The following TRIP10 variants were observed in gnomAD, a reference collection of about 807,000 sequenced individuals.
TRIP10 encodes cdc42-interacting protein 4.
Under a neutral mutation model 80.9 loss-of-function variants are expected in TRIP10, and 54 were observed. That is an observed-to-expected ratio of 0.67 (90% CI 0.54 to 0.84). The LOEUF is 0.84. TRIP10 is among the 40% of genes least tolerant of loss of function. The pLI, the probability that TRIP10 is intolerant of heterozygous loss-of-function variation, is 0.00. For missense variants in TRIP10, 773 were observed against 815.3 expected (o/e 0.95, Z 0.63); for synonymous variants, 321 against 307.2 (o/e 1.04, Z -0.47).
Position 6,751,347 on chromosome 19 carries a change from C to T in TRIP10, c.*136C>T. On this transcript the variant is annotated 3_prime_UTR_variant, in exon 15 of 15. Transcript: ENST00000313244. The stretch of plus-strand genomic sequence containing the variant: ...TGTAACCTGCTGCCCCCTCCACCCC[C>T]AACCCAGTCCTACCTGTCACACCGG... The T allele has an allele frequency of 6.7e-7, 1 of 1,488,348 alleles. No homozygotes were observed. The highest frequency in any genetic ancestry group is 9.0e-7 in the Non-Finnish European group (1 of 1,112,444). The allele number at this position is 1,488,348 out of a possible 1,614,324, so 92.2% of individuals were successfully genotyped here. A position where few individuals can be genotyped will look rare whatever the true frequency, so the allele number is the denominator to read the frequency against.
At position 6,746,110 on chromosome 19, in the gene TRIP10, C is replaced by T. The variant is rs182585515; in HGVS notation, c.1066C>T (p.Arg356Cys). The change falls in exon 10 of 15, where the codon CGT (arginine) becomes TGT (cysteine). Residue 356 changes from arginine to cysteine, a missense_variant. Transcript: ENST00000313244. This position sits in a 1 kb window ranked among gnomAD's most constrained non-coding sequence, Gnocchi z 6.2. The stretch of plus-strand genomic sequence containing the variant: ...CGGACCCCCGTCCCCCCGCTCCGGC[C>T]GTGACCCCTTGGCCATACTGAGCGA... ...PNGPPSPRSGRDPLAILSEIS... is the reference protein window; with the variant it reads ...PNGPPSPRSGCDPLAILSEIS... 18 of 1,546,430 alleles carry T rather than the reference C, an allele frequency of 1.2e-5. No homozygotes were observed. Among genetic ancestry groups the T allele is most frequent in the African/African-American group, 2.7e-5 (2 of 72,746 alleles).
chr19:6,746,072 C>A lies in TRIP10; in HGVS notation c.1028C>A (p.Ser343Ter). The change falls in exon 10 of 15, where the codon TCG becomes TAG. Residue 343 changes from serine (S) to a stop codon, truncating the protein, a stop_gained. Transcript: ENST00000313244. LOFTEE classifies it high-confidence loss of function. The surrounding 1 kb of genome is among the most constrained non-coding windows in gnomAD (Gnocchi z 6.2). Reference protein sequence around the residue: ...PLSPLGGPVPSALPNGPPSPR... With the variant: ...PLSPLGGPVP ...TCCCCCCTGGGGGGCCCCGTACCCTCGGCATTGCCTAACGGACCCCCGTCC... is the reference window on the plus strand; with the variant it reads ...TCCCCCCTGGGGGGCCCCGTACCCTAGGCATTGCCTAACGGACCCCCGTCC... The A allele has an allele frequency of 6.6e-7, 1 of 1,518,840 alleles. No homozygotes were observed. The highest frequency in any genetic ancestry group is 8.8e-7 in the Non-Finnish European group (1 of 1,131,862). 94.1% of individuals were successfully genotyped at this position (1,518,840 alleles called of 1,614,324 possible).
At chr19:6,743,283 G>A (rs1371431983) in intron 5 of TRIP10, 27 bp downstream of exon 5, 1 of 1,611,890 alleles carries the variant, frequency 6.2e-7, no homozygotes, top group Non-Finnish European at 8.5e-7. Flanking sequence ...AGCAGTGACT[G>A]TGGCCCGGAG....
chr19:6,749,087 C>G (rs1345959866), intron 11 of TRIP10, among the ~76,000 whole-genome samples: 1 of 152,000 alleles, frequency 6.6e-6, no homozygotes, highest in Non-Finnish European at 1.5e-5. Context: ...GCCCCCCCTT[C>G]TTTTTTTATT....
rs529912590 is a variant in TRIP10, at chr19:6,746,169, C to T, written c.1125C>T (p.Ser375=). Residue 375 remains serine (S), a synonymous_variant, in exon 10 of 15, where the codon TCC becomes TCT. Coordinates refer to ENST00000313244, the MANE Select transcript of TRIP10 (RefSeq NM_001288962.2). The surrounding 1 kb of genome is among the most constrained non-coding windows in gnomAD (Gnocchi z 6.2). ...ISKSVKPRLA[S]FRSLRGSRGT... Reference sequence around the variant, plus strand: ...AGTCGGTCAAACCGAGGCTAGCATCCTTCCGCAGCCTTCGAGGCAGCCGTG... The same window carrying T: ...AGTCGGTCAAACCGAGGCTAGCATCTTTCCGCAGCCTTCGAGGCAGCCGTG... The T allele has an allele frequency of 3.7e-4, 578 of 1,542,930 alleles. 8 individuals carry two copies. The South Asian group carries it at 5.2e-3, about 14-fold the overall frequency.
Position 6,745,908 on chromosome 19 carries a change from T to C in TRIP10, c.985-121T>C. The C allele has an allele frequency of 7.9e-7, 1 of 1,264,696 alleles. No homozygotes were observed. Among genetic ancestry groups the C allele is most frequent in the Non-Finnish European group, 1.0e-6 (1 of 1,002,784 alleles). 78.3% of individuals were successfully genotyped at this position (1,264,696 alleles called of 1,614,324 possible). On this transcript the variant is annotated intron_variant, in intron 9 of 14. Transcript: ENST00000313244. This position sits in a 1 kb window ranked among gnomAD's most constrained non-coding sequence, Gnocchi z 7.2. ...CTCCATTTTGTTTTTCCTTTTTCCT[T>C]TTTTTGCGTCCATCCGTCCATCCGT...
In TRIP10 at chr19:6,745,671, T is replaced by C. The variant is rs1159498327; in HGVS notation, c.985-358T>C. On this transcript the variant is annotated intron_variant, in intron 9 of 14. Transcript: ENST00000313244. This position sits in a 1 kb window ranked among gnomAD's most constrained non-coding sequence, Gnocchi z 7.2. ...AGAAAGCTAAGTGGACAGAGAGACATGGGCCTCCCTGCCTCCTGGACCCAT... is the reference window on the plus strand; with the variant it reads ...AGAAAGCTAAGTGGACAGAGAGACACGGGCCTCCCTGCCTCCTGGACCCAT... The C allele has an allele frequency of 4.1e-6, 4 of 985,248 alleles. No homozygotes were observed. The highest frequency in any genetic ancestry group is 4.8e-6 in the Non-Finnish European group (4 of 829,882). The allele number at this position is 985,248 out of a possible 1,614,324, so 61.0% of individuals were successfully genotyped here.
Position 6,746,082 on chromosome 19 carries a change from T to C in TRIP10, c.1038T>C (p.Pro346=). ...GGGGCCCCGTACCCTCGGCATTGCC[T>C]AACGGACCCCCGTCCCCCCGCTCCG... The part of the protein sequence containing the change: ...PLGGPVPSAL[P]NGPPSPRSGR... The change falls in exon 10 of 15, where the codon CCT becomes CCC. Residue 346 remains proline (P), a synonymous_variant. Coordinates refer to ENST00000313244, the MANE Select transcript of TRIP10 (RefSeq NM_001288962.2). The surrounding 1 kb of genome is among the most constrained non-coding windows in gnomAD (Gnocchi z 6.2). The C allele has an allele frequency of 2.3e-6, 3 of 1,286,294 alleles. No homozygotes were observed. The highest frequency in any genetic ancestry group is 3.0e-6 in the Non-Finnish European group (3 of 992,078). 79.7% of individuals were successfully genotyped at this position (1,286,294 alleles called of 1,614,324 possible). A position where few individuals can be genotyped will look rare whatever the true frequency, so the allele number is the denominator to read the frequency against.
chr19:6,743,247 G>C lies in TRIP10; in HGVS notation c.399G>C (p.Gln133His). The change falls in exon 5 of 15, where the codon CAG becomes CAC. Residue 133 changes from glutamine (Q) to histidine (H), a missense_variant. Gln to His is a conservative substitution (Grantham distance 24). Coordinates refer to ENST00000313244, the MANE Select transcript of TRIP10 (RefSeq NM_001288962.2). ...AGCAGCTGGAAAATGGCTTTAAACA[G>C]CTGGAGAATGTGAGTTTGCAGAGGT... ...AQQQLENGFK[Q>H]LENSKRKFER... 6.2e-6 allele frequency: 10 copies of C among 1,613,726 alleles called. No homozygotes were observed. Among genetic ancestry groups the C allele is most frequent in the African/African-American group, 1.3e-5 (1 of 75,036 alleles).
At chr19:6,750,139 C>CAGGGGGGGGGGGGGGGGGGGGGGG in intron 12 of TRIP10, 73 bp downstream of exon 12, 1 of 376,654 alleles carries the variant, frequency 2.7e-6, no homozygotes, top group East Asian at 6.8e-5. Flanking sequence ...GGTGGGGGGT[C>CAGGGGGGGGGGGGGGGGGGGGGGG]GGGGACAGGG....
Position 6,746,683 on chromosome 19 carries a change from T to C in TRIP10, c.1262+122T>C. 5 of 602,530 alleles carry C rather than the reference T, an allele frequency of 8.3e-6. No homozygotes were observed. The highest frequency in any genetic ancestry group is 1.2e-5 in the Non-Finnish European group (5 of 429,126). The allele number at this position is 602,530 out of a possible 1,614,324, so 37.3% of individuals were successfully genotyped here. A position where few individuals can be genotyped will look rare whatever the true frequency, so the allele number is the denominator to read the frequency against. On this transcript the variant is annotated intron_variant, in intron 11 of 14. Transcript: ENST00000313244. The surrounding 1 kb of genome is among the most constrained non-coding windows in gnomAD (Gnocchi z 6.2). ...TATATTTTATTTTGTGACAGGGTCT[T>C]AGTCTGTCGTCCAGGCTGGAGTGCA...
rs893609218 is a variant in TRIP10 at position 6,746,107 on chromosome 19, G to T, written c.1063G>T (p.Gly355Cys). ...LPNGPPSPRS[G>C]RDPLAILSEI... ...TAACGGACCCCCGTCCCCCCGCTCC[G>T]GCCGTGACCCCTTGGCCATACTGAG... is the stretch of plus-strand genomic sequence containing the variant. The change falls in exon 10 of 15, where the codon GGC becomes TGC. Residue 355 changes from glycine (G) to cysteine (C), a missense_variant. Gly to Cys is a radical substitution (Grantham distance 159, BLOSUM62 -3). Transcript: ENST00000313244. This position sits in a 1 kb window ranked among gnomAD's most constrained non-coding sequence, Gnocchi z 6.2. The T allele has an allele frequency of 1.4e-6, 2 of 1,420,620 alleles. No homozygotes were observed. Among genetic ancestry groups the T allele is most frequent in the Non-Finnish European group, 1.9e-6 (2 of 1,071,010 alleles). 88.0% of individuals were successfully genotyped at this position (1,420,620 alleles called of 1,614,324 possible).
In TRIP10 at chr19:6,743,000, C is replaced by T; in HGVS notation, c.231C>T (p.Leu77=). 1 of 1,614,128 alleles carries T rather than the reference C, an allele frequency of 6.2e-7. No homozygotes were observed. The highest frequency in any genetic ancestry group is 1.1e-5 in the South Asian group (1 of 91,074). ...AGCAACAGTCCTTCGTACAGATTCT[C>T]CAGGAGGTGAATGACTTTGCAGGCC... ...FSQQQSFVQI[L]QEVNDFAGQR... The change falls in exon 4 of 15, where the codon CTC becomes CTT. Residue 77 remains leucine (L), a synonymous_variant. Coordinates refer to ENST00000313244, the MANE Select transcript of TRIP10 (RefSeq NM_001288962.2).
In TRIP10 at chr19:6,745,832, C is replaced by T; in HGVS notation, c.985-197C>T. The T allele has an allele frequency of 1.0e-6, 1 of 985,376 alleles. No homozygotes were observed. Among genetic ancestry groups the T allele is most frequent in the Non-Finnish European group, 1.2e-6 (1 of 829,928 alleles). The allele number at this position is 985,376 out of a possible 1,614,324, so 61.0% of individuals were successfully genotyped here. Reference sequence around the variant, plus strand: ...TGTGTCGCTCCTGCATGCGTTTTCTCTGTGTGGTTGTGCATCTTGAGTTGT... The same window carrying T: ...TGTGTCGCTCCTGCATGCGTTTTCTTTGTGTGGTTGTGCATCTTGAGTTGT... On this transcript the variant is annotated intron_variant, in intron 9 of 14. Transcript: ENST00000313244. This position sits in a 1 kb window ranked among gnomAD's most constrained non-coding sequence, Gnocchi z 7.2.
In TRIP10 at chr19:6,743,615, C is replaced by CGG. The variant is rs145584075; in HGVS notation, c.513+26_513+27dup. On this transcript the variant is annotated intron_variant, in intron 6 of 14. Transcript: ENST00000313244. ...GTGGAGAAGGTGTGTGTGGCGGGGG[C>CGG]GGGGGGGGGGTGCGGGGTCTGGGAC... The CGG allele has an allele frequency of 6.0e-5, 46 of 771,366 alleles. No individual in the cohort carries two copies. Among genetic ancestry groups the CGG allele is most frequent in the East Asian group, 5.0e-4 (10 of 20,126 alleles). 47.8% of individuals were successfully genotyped at this position (771,366 alleles called of 1,614,324 possible).
At chr19:6,742,062 T>TA (rs545729234) in intron 3 of TRIP10, among the ~76,000 whole-genome samples, 190 of 149,684 alleles carry the variant, frequency 1.3e-3, no homozygotes, top group African/African-American at 4.4e-3. Context: ...TTATCCCACT[T>TA]AGTGTGAATG....
intron 11 of TRIP10, among the ~76,000 whole-genome samples, chr19:6,749,730 A>T (rs1459945958): frequency 1.3e-5 from 2 of 152,152 alleles, no homozygotes; most frequent in African/African-American, 2.4e-5. Flanking sequence ...GCGGGTCTAT[A>T]GTCCCAGTTA....
At position 6,750,316 on chromosome 19, in the gene TRIP10, C is replaced by A. The variant is rs1335099305; in HGVS notation, c.1420C>A (p.Arg474=). The A allele has an allele frequency of 6.2e-7, 1 of 1,613,952 alleles. No homozygotes were observed. The highest frequency in any genetic ancestry group is 8.5e-7 in the Non-Finnish European group (1 of 1,180,008). ...YEAWLAEAES[R]VLSNRGDSLS... is the part of the protein sequence containing the mutation. ...GGCGTGGCTGGCAGAAGCTGAAAGTCGAGTCCTTAGCAACCGGGGAGACAG... is the reference window on the plus strand; with the variant it reads ...GGCGTGGCTGGCAGAAGCTGAAAGTAGAGTCCTTAGCAACCGGGGAGACAG... The change falls in exon 13 of 15, where the codon CGA becomes AGA. Residue 474 remains arginine (R), a synonymous_variant. Coordinates refer to ENST00000313244, the MANE Select transcript of TRIP10 (RefSeq NM_001288962.2).
At chr19:6,750,143 G>GGTGGGGC in intron 12 of TRIP10, 77 bp downstream of exon 12, 4 of 842,266 alleles carry the variant, frequency 4.7e-6, no homozygotes, top group Non-Finnish European at 7.5e-6. Flanking sequence ...GGGGGTCGGG[G>GGTGGGGC]ACAGGGGAGG....
Sources: allele counts gnomAD v4.1 joint callset (sites outside exome capture counted in the v4.1 genomes callset), GRCh38; gene constraint gnomAD v4.1.1; non-coding constraint Gnocchi (gnomAD v3.1); transcripts MANE v1.5; gene names NCBI Gene and HGNC (gene_info 2026-07-23, HGNC 2026-07-21).